CACNG2: variants seen among roughly 807,000 people sequenced by gnomAD.
CACNG2 encodes the protein voltage-dependent calcium channel gamma-2 subunit.
Under a neutral mutation model 25.9 loss-of-function variants are expected in CACNG2, and 3 were observed. The ratio of observed to expected loss-of-function variants is 0.12; its 90% confidence interval spans 0.05 to 0.30. The LOEUF (loss-of-function observed/expected upper bound fraction) is 0.30. CACNG2 is among the 10% of genes least tolerant of loss of function. CACNG2 has a pLI of 1.00. For synonymous variants in CACNG2, 167 were observed against 173.3 expected (o/e 0.96, Z 0.29); for missense variants, 341 against 432.5 (o/e 0.79, Z 1.88).
intron 1 of CACNG2, among the ~76,000 whole-genome samples, chr22:36,697,214 G>A (rs1281048395): frequency 2.0e-5 from 3 of 152,140 alleles, no homozygotes; most frequent in East Asian, 1.9e-4. Context: ...GGGCACAGTC[G>A]TCGTCACCCT....
intron 1 of CACNG2, among the ~76,000 whole-genome samples, chr22:36,671,462 A>G (rs1312826081): frequency 1.3e-5 from 2 of 152,164 alleles, no homozygotes; most frequent in Admixed American, 6.5e-5. Context: ...TCAAATTGGT[A>G]TGTGCTTGAT....
At chr22:36,604,785 A>G (rs1352764222) in intron 1 of CACNG2, among the ~76,000 whole-genome samples, 2 of 152,236 alleles carry the variant, frequency 1.3e-5, no homozygotes, top group African/African-American at 4.8e-5. Flanking sequence ...TAAACATAAC[A>G]TATATTTTTT....
At chr22:36,611,927 G>A (rs1935948424) in intron 1 of CACNG2, among the ~76,000 whole-genome samples, 1 of 152,198 alleles carries the variant, frequency 6.6e-6, no homozygotes. Flanking sequence ...TGCTGGCTAT[G>A]AGTTGTGTGG....
chr22:36,600,492 T>TAATGA (rs1433085926), intron 1 of CACNG2, among the ~76,000 whole-genome samples: 3 of 151,028 alleles, frequency 2.0e-5, no homozygotes. Flanking sequence ...AGCCTAATCC[T>TAATGA]AATGAACATA....
At chr22:36,597,068 G>A (rs182630564) in intron 1 of CACNG2, among the ~76,000 whole-genome samples, 70 of 152,252 alleles carry the variant, frequency 4.6e-4, no homozygotes, top group African/African-American at 1.7e-3. Flanking sequence ...TGTTGCTCAG[G>A]CAGGAGTGCA....
At chr22:36,669,093 G>A (rs1226951336) in intron 1 of CACNG2, among the ~76,000 whole-genome samples, 1 of 152,108 alleles carries the variant, frequency 6.6e-6, no homozygotes, top group Non-Finnish European at 1.5e-5. Context: ...TAGCCCAGTT[G>A]AGTTGACACA....
chr22:36,673,915 G>A (rs1299010623), intron 1 of CACNG2, among the ~76,000 whole-genome samples: 1 of 152,244 alleles, frequency 6.6e-6, no homozygotes, highest in Non-Finnish European at 1.5e-5. Flanking sequence ...TGCGTCAGGA[G>A]TGGGGACGTG....
rs567906255 is a variant in CACNG2, at chr22:36,684,102, G to A, written c.211+18264C>T. ...CGTCTCTCCATGTCTTTCAAACCCCGTGGATGGTTTATCAGTAGGAACAAC... is the reference window on the plus strand; with the variant it reads ...CGTCTCTCCATGTCTTTCAAACCCCATGGATGGTTTATCAGTAGGAACAAC... On this transcript the variant is annotated intron_variant, in intron 1 of 3. Transcript: ENST00000300105. Among the ~76,000 whole-genome samples, 9 of 152,300 alleles carry A rather than the reference G, an allele frequency of 5.9e-5. No individual in the cohort carries two copies. In the South Asian group the frequency reaches 6.2e-4, roughly 11 times the overall value.
At position 36,562,086 on chromosome 22, in the gene CACNG2, C is replaced by A. The variant is rs1451282824; in HGVS notation, c.*2265G>T. The A allele has an allele frequency of 1.3e-5, 2 of 152,228 alleles. No individual in the cohort carries two copies. Among genetic ancestry groups the A allele is most frequent in the African/African-American group, 4.8e-5 (2 of 41,436 alleles). The allele number at this position is 152,228 out of a possible 1,614,324, so 9.4% of individuals were successfully genotyped here. A position where few individuals can be genotyped will look rare whatever the true frequency, so the allele number is the denominator to read the frequency against. The stretch of plus-strand genomic sequence containing the variant: ...TGAAGAAGGGCTTTGGGGACCCCTG[C>A]GTCTTTCCCCTCTTTGCCTGAACAG... On this transcript the variant is annotated 3_prime_UTR_variant, in exon 4 of 4. Coordinates refer to ENST00000300105, the MANE Select transcript of CACNG2 (RefSeq NM_006078.5).
chr22:36,589,165 A>AT (rs1224967019), intron 1 of CACNG2, among the ~76,000 whole-genome samples: 2 of 151,562 alleles, frequency 1.3e-5, no homozygotes, highest in East Asian at 3.9e-4. Context: ...TAATTTTTGT[A>AT]TTTTAGTAGA....
intron 2 of CACNG2, among the ~76,000 whole-genome samples, chr22:36,570,178 G>T (rs190037493): frequency 4.5e-4 from 69 of 152,358 alleles, no homozygotes; most frequent in Admixed American, 2.4e-3. Flanking sequence ...CCAGCAGGGG[G>T]AGGGAGCGTC....
At chr22:36,574,618 T>TA (rs1401629387) in intron 2 of CACNG2, among the ~76,000 whole-genome samples, 1 of 151,794 alleles carries the variant, frequency 6.6e-6, no homozygotes, top group Non-Finnish European at 1.5e-5. Context: ...CCATCTCTAC[T>TA]AAAAAAATAC....
At chr22:36,576,382 G>A (rs1302599012) in intron 2 of CACNG2, among the ~76,000 whole-genome samples, 1 of 152,108 alleles carries the variant, frequency 6.6e-6, no homozygotes, top group Admixed American at 6.6e-5. Context: ...AGGGGGAAAG[G>A]GTGGGGAGAG....
At chr22:36,695,135 G>A (rs76662200) in intron 1 of CACNG2, among the ~76,000 whole-genome samples, 4,643 of 152,066 alleles carry the variant, frequency 0.031, 252 homozygotes, top group African/African-American at 0.11. Context: ...AGGATCACTC[G>A]AGCCCTCGAG....
chr22:36,621,084 A>G (rs1306699686), intron 1 of CACNG2, among the ~76,000 whole-genome samples: 5 of 152,254 alleles, frequency 3.3e-5, no homozygotes, highest in South Asian at 2.1e-4. Flanking sequence ...CTTTTGGATT[A>G]AACTTGCTGC....
At chr22:36,569,568 C>T (rs1347492280) in intron 2 of CACNG2, among the ~76,000 whole-genome samples, 10 of 152,180 alleles carry the variant, frequency 6.6e-5, no homozygotes, top group Non-Finnish European at 1.3e-4. Context: ...GATACAGAGT[C>T]TTGCTCTATA....
At chr22:36,589,131 C>T (rs1157844672) in intron 1 of CACNG2, among the ~76,000 whole-genome samples, 1 of 151,866 alleles carries the variant, frequency 6.6e-6, no homozygotes, top group African/African-American at 2.4e-5. Flanking sequence ...GCTGGGATTA[C>T]AGGCACATAC....
chr22:36,701,717 T>C (rs1395441789), intron 1 of CACNG2, among the ~76,000 whole-genome samples: 1 of 152,192 alleles, frequency 6.6e-6, no homozygotes, highest in Admixed American at 6.5e-5. Flanking sequence ...TTTTTAGACT[T>C]TGTAAACGTT....
At chr22:36,631,118 C>T (rs1024863435) in intron 1 of CACNG2, among the ~76,000 whole-genome samples, 5 of 152,256 alleles carry the variant, frequency 3.3e-5, no homozygotes, top group East Asian at 1.9e-4. Context: ...CGTGAGCCAC[C>T]GTACCCGGCC....
Sources: gnomAD v4.1 joint callset for allele counts (sites outside exome capture counted in the v4.1 genomes callset) on GRCh38, gnomAD v4.1.1 for gene constraint, MANE v1.5 for transcripts, NCBI Gene and HGNC (gene_info 2026-07-23, HGNC 2026-07-21) for gene names.